The following CREG2 variants were observed in gnomAD, a reference collection of about 807,000 sequenced individuals.
CREG2 encodes the protein cellular repressor of E1A stimulated genes 2, also known as protein CREG2.
Under a neutral mutation model 26.2 loss-of-function variants are expected in CREG2, and 24 were observed. The ratio of observed to expected loss-of-function variants is 0.92; its 90% CI spans 0.66 to 1.29. The LOEUF is 1.29. Among genes scored for constraint, CREG2 ranks in the 50% most tolerant of loss-of-function variants. The pLI, the probability that CREG2 is intolerant of heterozygous loss-of-function variation, is 0.00. For missense variants in CREG2, 366 were observed against 398.6 expected (o/e 0.92, Z 0.70); for synonymous variants, 174 against 169.2 (o/e 1.03, Z -0.22).
chr2:101,375,035 C>T (rs1391192949), intron 2 of CREG2, among the ~76,000 whole-genome samples: 1 of 152,218 alleles, frequency 6.6e-6, no homozygotes, highest in East Asian at 1.9e-4. Flanking sequence ...AGCAGTTCCT[C>T]TTCCTGTTGA....
chr2:101,386,575 C>T (rs1036170186), intron 1 of CREG2, among the ~76,000 whole-genome samples: 2 of 152,332 alleles, frequency 1.3e-5, no homozygotes, highest in African/African-American at 4.8e-5. Context: ...TCTCTCTCTC[C>T]CCATCCCTGC....
intron 2 of CREG2, among the ~76,000 whole-genome samples, chr2:101,368,553 A>G (rs576372048): frequency 6.6e-5 from 10 of 152,302 alleles, no homozygotes; most frequent in Admixed American, 4.6e-4. Flanking sequence ...AGACACAGAC[A>G]CCAGACGGCT....
rs1385802908 is a variant in CREG2 at position 101,357,972 on chromosome 2, G to A, written c.612-2606C>T. Among the ~76,000 whole-genome samples the A allele has an allele frequency of 7.8e-5, 6 of 77,254 alleles. 1 individual carries two copies. Among genetic ancestry groups the A allele is most frequent in the Admixed American group, 2.7e-4 (2 of 7,448 alleles). The allele number at this position is 77,254 out of a possible 152,430, so 50.7% of individuals were successfully genotyped here. On this transcript the variant is annotated intron_variant, in intron 2 of 3. Coordinates refer to ENST00000324768, the MANE Select transcript of CREG2 (RefSeq NM_153836.4). ...AGCCTGGGCGACAGAGCGAGACTCCGTCTCAAAAAAAAAAAAAAAAAGCTA... is the reference window on the plus strand; with the variant it reads ...AGCCTGGGCGACAGAGCGAGACTCCATCTCAAAAAAAAAAAAAAAAAGCTA...
intron 2 of CREG2, among the ~76,000 whole-genome samples, chr2:101,378,928 C>T (rs192600611): frequency 3.9e-4 from 60 of 152,090 alleles, no homozygotes; most frequent in Non-Finnish European, 7.8e-4. Context: ...ATCGCTTGAA[C>T]CTGGGCAGCA....
chr2:101,365,165 C>T (rs1389648889), intron 2 of CREG2, among the ~76,000 whole-genome samples: 2 of 152,214 alleles, frequency 1.3e-5, no homozygotes, highest in Admixed American at 1.3e-4. Flanking sequence ...GCAGCTTCCA[C>T]TGCCAGTTTT....
At chr2:101,352,991 A>C (rs1350552804) in intron 3 of CREG2, among the ~76,000 whole-genome samples, 1 of 152,230 alleles carries the variant, frequency 6.6e-6, no homozygotes, top group Non-Finnish European at 1.5e-5. Flanking sequence ...TGAAAGCTGG[A>C]GGTAAAGGGA....
At position 101,387,488 on chromosome 2, in the gene CREG2, C is replaced by T. The variant is rs568463056; in HGVS notation, c.-31G>A. ...AGGCAGCACGCCCGGCCGCCGGGGC[C>T]GCCAGCAGCGCTAGTGCCGGGGAGC... is the stretch of plus-strand genomic sequence containing the variant. On this transcript the variant is annotated 5_prime_UTR_variant, in exon 1 of 4. Transcript: ENST00000324768. This position sits in a 1 kb window ranked among gnomAD's most constrained non-coding sequence, Gnocchi z 4.7. 3.2e-5 allele frequency: 27 copies of T among 839,860 alleles called. No homozygotes were observed. The African/African-American group carries it at 4.1e-4, about 13-fold the overall frequency. 52.0% of individuals were successfully genotyped at this position (839,860 alleles called of 1,614,324 possible).
At chr2:101,371,278 G>A (rs2104479452) in intron 2 of CREG2, among the ~76,000 whole-genome samples, 1 of 152,304 alleles carries the variant, frequency 6.6e-6, no homozygotes, top group Admixed American at 6.5e-5. Context: ...CCTCCCTGCA[G>A]TGCCTGTTCA....
chr2:101,353,592 G>A (rs944567780), intron 3 of CREG2, among the ~76,000 whole-genome samples: 3 of 152,194 alleles, frequency 2.0e-5, no homozygotes, highest in Non-Finnish European at 2.9e-5. Context: ...AATATCATTT[G>A]ACCCAGCCAT....
rs1327099346 is a variant in CREG2, at chr2:101,350,401, C to T, written c.*522G>A. The T allele has an allele frequency of 1.3e-5, 2 of 152,894 alleles. No homozygotes were observed. Among genetic ancestry groups the T allele is most frequent in the African/African-American group, 4.8e-5 (2 of 41,444 alleles). The allele number at this position is 152,894 out of a possible 1,614,324, so 9.5% of individuals were successfully genotyped here. ...ACCTAATAATGCATCTGCAATCCAC[C>T]AGCAGGAGGAGTAATCCACGGACAC... On this transcript the variant is annotated 3_prime_UTR_variant, in exon 4 of 4. Transcript: ENST00000324768.
Position 101,355,299 on chromosome 2 carries a change from C to T in CREG2, c.679G>A (p.Val227Met). Reference protein sequence around the residue: ...QLTLTGQMIAVSPEEVEFAKQ... With the variant: ...QLTLTGQMIAMSPEEVEFAKQ... ...GCAAATTCTACTTCTTCTGGAGACA[C>T]TGCGATCATCTGGCCAGTGAGCGTT... Residue 227 changes from valine to methionine, a missense_variant, in exon 3 of 4, where the codon GTG (valine) becomes ATG (methionine). Around this residue, in one of 3 missense-constraint regions of CREG2, gnomAD observed 174 missense variants for 178.2 expected, o/e 0.98. Coordinates refer to ENST00000324768, the MANE Select transcript of CREG2 (RefSeq NM_153836.4). 6.2e-7 allele frequency: 1 copy of T among 1,614,088 alleles called. No homozygotes were observed. The highest frequency in any genetic ancestry group is 8.5e-7 in the Non-Finnish European group (1 of 1,179,926).
In CREG2 at chr2:101,350,585, A is replaced by AT. The variant is rs200987896; in HGVS notation, c.*337dup. 2,813 of 125,660 alleles carry AT rather than the reference A, an allele frequency of 0.022. 89 individuals carry two copies. The highest frequency in any genetic ancestry group is 0.073 in the African/African-American group (2,538 of 34,552). The allele number at this position is 125,660 out of a possible 1,614,324, so 7.8% of individuals were successfully genotyped here. On this transcript the variant is annotated 3_prime_UTR_variant, in exon 4 of 4. Transcript: ENST00000324768. ...AAGCAATCACATTGTAGGTACAGGC[A>AT]TTTTTTTTTTTCCTTAAACAATGAA...
chr2:101,369,878 C>T (rs1334696303), intron 2 of CREG2, among the ~76,000 whole-genome samples: 1 of 152,174 alleles, frequency 6.6e-6, no homozygotes, highest in East Asian at 1.9e-4. Context: ...GCAGTGCAAG[C>T]CTATGATGGA....
At chr2:101,386,509 G>GA (rs1447093656) in intron 1 of CREG2, among the ~76,000 whole-genome samples, 7 of 152,304 alleles carry the variant, frequency 4.6e-5, no homozygotes, top group Non-Finnish European at 7.4e-5. Context: ...CTCCTTTCCA[G>GA]AAAAAATCGT....
chr2:101,378,908 AG>A (rs1479227946), intron 2 of CREG2, among the ~76,000 whole-genome samples: 1 of 152,036 alleles, frequency 6.6e-6, no homozygotes, highest in African/African-American at 2.4e-5. Flanking sequence ...CAGGACGCTG[AG>A]GCAGGAGAAT....
rs1684319235 is a variant in CREG2, at chr2:101,347,116, C to G, written c.*3807G>C. On this transcript the variant is annotated 3_prime_UTR_variant, in exon 4 of 4. Transcript: ENST00000324768. ...TTGGCTTTGCTCACTCAGCACAATT[C>G]TCTGGAATTCATCCCAGTGGTTGCC... The G allele has an allele frequency of 6.6e-6, 1 of 152,202 alleles. No homozygotes were observed. Among genetic ancestry groups the G allele is most frequent in the African/African-American group, 2.4e-5 (1 of 41,452 alleles). 9.4% of individuals were successfully genotyped at this position (152,202 alleles called of 1,614,324 possible). A position where few individuals can be genotyped will look rare whatever the true frequency, so the allele number is the denominator to read the frequency against.
chr2:101,365,496 G>C (rs976043438), intron 2 of CREG2, among the ~76,000 whole-genome samples: 6 of 152,112 alleles, frequency 3.9e-5, no homozygotes, highest in Non-Finnish European at 8.8e-5. Context: ...ATGGTCTTTG[G>C]TATGACATCC....
At chr2:101,352,653 T>C (rs7593884) in intron 3 of CREG2, among the ~76,000 whole-genome samples, 102,369 of 152,022 alleles carry the variant, frequency 0.67, 36,333 homozygotes, top group South Asian at 0.78. Flanking sequence ...ACTAAAAATA[T>C]AAAAATTAGC....
chr2:101,384,390 G>A (rs1412253225), intron 1 of CREG2, among the ~76,000 whole-genome samples: 1 of 152,170 alleles, frequency 6.6e-6, no homozygotes, highest in Non-Finnish European at 1.5e-5. Context: ...GAGAAGGGTG[G>A]TGCCATAGTT....
Sources: gnomAD v4.1 joint callset for allele counts (sites outside exome capture counted in the v4.1 genomes callset) on GRCh38, gnomAD v4.1.1 for gene constraint, gnomAD v4.1.1 regional missense constraint, Gnocchi (gnomAD v3.1) non-coding constraint, MANE v1.5 for transcripts, NCBI Gene and HGNC (gene_info 2026-07-23, HGNC 2026-07-21) for gene names.